The following GPC6 variants were observed in gnomAD, a reference collection of about 807,000 sequenced individuals.
The protein encoded by GPC6 is glypican-6.
GPC6 carries 14 observed loss-of-function variants against 55.2 expected under a neutral mutation model. That is an observed-to-expected ratio of 0.25 (90% CI 0.17 to 0.40). The LOEUF is 0.40. GPC6 is among the 10% of genes least tolerant of loss of function. The probability of loss-of-function intolerance (pLI) is 1.00; values close to 1 mark genes in which losing one functional copy is unlikely to be tolerated. For synonymous variants in GPC6, 278 were observed against 259.6 expected, an observed-to-expected ratio of 1.07 and a Z score of -0.68; for missense variants, 641 against 708.5, an observed-to-expected ratio of 0.90 and a Z score of 1.08.
chr13:93,617,938 A>C (rs1878793568), intron 2 of GPC6, among the ~76,000 whole-genome samples: 1 of 152,108 alleles, frequency 6.6e-6, no homozygotes, highest in South Asian at 2.1e-4. Flanking sequence ...AAATGTAGGA[A>C]ATAGCTTGCT....
intron 4 of GPC6, among the ~76,000 whole-genome samples, chr13:94,236,511 A>G (rs1890881047): frequency 6.6e-6 from 1 of 152,180 alleles, no homozygotes; most frequent in Non-Finnish European, 1.5e-5. Flanking sequence ...AGAGACATCA[A>G]GACAATTGCA....
intron 1 of GPC6, among the ~76,000 whole-genome samples, chr13:93,260,105 T>C (rs1877090600): frequency 6.6e-6 from 1 of 152,154 alleles, no homozygotes; most frequent in African/African-American, 2.4e-5. Flanking sequence ...TTTTACTGTA[T>C]TCTTTCAGTG....
At chr13:93,802,771 A>G (rs1029389216) in intron 2 of GPC6, among the ~76,000 whole-genome samples, 2 of 152,220 alleles carry the variant, frequency 1.3e-5, no homozygotes, top group African/African-American at 4.8e-5. Context: ...AGAGTTCAGT[A>G]ATATGACCTA....
chr13:94,302,025 G>A (rs1481318009), intron 5 of GPC6, among the ~76,000 whole-genome samples: 1 of 152,212 alleles, frequency 6.6e-6, no homozygotes, highest in Non-Finnish European at 1.5e-5. Context: ...ACTGCTGCTA[G>A]AGCAAACTCA....
intron 2 of GPC6, among the ~76,000 whole-genome samples, chr13:93,689,877 C>A (rs1245104313): frequency 2.0e-5 from 3 of 152,076 alleles, no homozygotes; most frequent in Non-Finnish European, 2.9e-5. Flanking sequence ...TCACTTAAAT[C>A]AGTCCAGTGT....
At chr13:93,928,150 A>G (rs1877958072) in intron 3 of GPC6, among the ~76,000 whole-genome samples, 1 of 152,218 alleles carries the variant, frequency 6.6e-6, no homozygotes, top group African/African-American at 2.4e-5. Context: ...ATGCCACTAC[A>G]GAGTAAACTT....
chr13:93,942,494 G>C (rs1447429228), intron 3 of GPC6, among the ~76,000 whole-genome samples: 1 of 152,100 alleles, frequency 6.6e-6, no homozygotes, highest in Non-Finnish European at 1.5e-5. Context: ...TAATTTTTTT[G>C]TGTTTTTTGT....
chr13:93,946,422 G>A (rs1278610396), intron 3 of GPC6, among the ~76,000 whole-genome samples: 3 of 152,058 alleles, frequency 2.0e-5, no homozygotes, highest in African/African-American at 4.8e-5. Context: ...ATGAGCCACC[G>A]CTCTCGCCCC....
intron 4 of GPC6, among the ~76,000 whole-genome samples, chr13:94,031,294 C>G (rs180995123): frequency 7.2e-4 from 109 of 152,256 alleles, no homozygotes; most frequent in Middle Eastern, 3.4e-3. Flanking sequence ...TCTTTGAAAA[C>G]TTCCTTACAA....
At chr13:94,144,537 GTGTGTGTGTA>G (rs1159137423) in intron 4 of GPC6, among the ~76,000 whole-genome samples, 166 of 39,226 alleles carry the variant, frequency 4.2e-3, no homozygotes, top group Middle Eastern at 0.023. Flanking sequence ...TTCTTTGGGA[GTGTGTGTGTA>G]TGTGTGTGTG....
At chr13:93,928,611 A>G (rs2140352164) in intron 3 of GPC6, among the ~76,000 whole-genome samples, 1 of 152,254 alleles carries the variant, frequency 6.6e-6, no homozygotes, top group Admixed American at 6.5e-5. Context: ...CAAGGCCTCT[A>G]AATAACTAGA....
chr13:94,400,710 C>CT, intron 8 of GPC6, among the ~76,000 whole-genome samples: 1 of 152,272 alleles, frequency 6.6e-6, no homozygotes, highest in Non-Finnish European at 1.5e-5. Context: ...AAGGATGGCC[C>CT]TGGTTTCTCA....
At chr13:93,515,738 A>G (rs1881165934) in intron 1 of GPC6, among the ~76,000 whole-genome samples, 1 of 152,202 alleles carries the variant, frequency 6.6e-6, no homozygotes, top group African/African-American at 2.4e-5. Flanking sequence ...TGTTAAATAA[A>G]TGCTCTTGCT....
intron 1 of GPC6, among the ~76,000 whole-genome samples, chr13:93,466,328 G>A (rs969303854): frequency 4.6e-5 from 7 of 152,044 alleles, no homozygotes; most frequent in Admixed American, 2.6e-4. Context: ...TTTTCGTCAC[G>A]TATATCACGT....
At chr13:93,507,147 A>G (rs1320103006) in intron 1 of GPC6, among the ~76,000 whole-genome samples, 1 of 148,826 alleles carries the variant, frequency 6.7e-6, no homozygotes, top group African/African-American at 2.5e-5. Context: ...CTTTGTGTGG[A>G]GCATCCCTGT....
At chr13:93,886,693 A>T (rs1447276489) in intron 3 of GPC6, among the ~76,000 whole-genome samples, 1 of 151,362 alleles carries the variant, frequency 6.6e-6, no homozygotes, top group Non-Finnish European at 1.5e-5. Context: ...GGACAGGCAT[A>T]CAATGACGTT....
At chr13:93,705,607 G>C (rs1882822408) in intron 2 of GPC6, among the ~76,000 whole-genome samples, 1 of 151,792 alleles carries the variant, frequency 6.6e-6, no homozygotes, top group Non-Finnish European at 1.5e-5. Flanking sequence ...TTGCAAGATA[G>C]ATGAGCCAGG....
At chr13:93,469,924 C>T (rs1306449756) in intron 1 of GPC6, among the ~76,000 whole-genome samples, 1 of 151,984 alleles carries the variant, frequency 6.6e-6, no homozygotes, top group Non-Finnish European at 1.5e-5. Flanking sequence ...ATTTAATGAC[C>T]ATATTGGGGG....
intron 4 of GPC6, among the ~76,000 whole-genome samples, chr13:94,091,778 A>G (rs1885485665): frequency 6.6e-6 from 1 of 152,028 alleles, no homozygotes; most frequent in African/African-American, 2.4e-5. Context: ...CATCAGTTTT[A>G]ACTGGAATTA....
Sources: allele counts gnomAD v4.1 joint callset (sites outside exome capture counted in the v4.1 genomes callset), GRCh38; gene constraint gnomAD v4.1.1; transcripts MANE v1.5; gene names NCBI Gene and HGNC (gene_info 2026-07-23, HGNC 2026-07-21).